The following ARHGAP15 variants were observed in gnomAD, a reference collection of about 807,000 sequenced individuals.
ARHGAP15 encodes the protein rho GTPase-activating protein 15.
In ARHGAP15, 51 loss-of-function variants were observed where a neutral mutation model predicts 63.7. The ratio of observed to expected loss-of-function variants is 0.80; its 90% CI spans 0.64 to 1.01. The LOEUF is 1.01. ARHGAP15 is among the 50% of genes least tolerant of loss of function. The pLI is 0.00. For synonymous variants in ARHGAP15, 191 were observed against 193.8 expected, an observed-to-expected ratio of 0.99 and a Z score of 0.12; for missense variants, 560 against 564.6, an observed-to-expected ratio of 0.99 and a Z score of 0.08.
At chr2:143,701,850 G>A (rs1239884880) in intron 12 of ARHGAP15, among the ~76,000 whole-genome samples, 3 of 152,184 alleles carry the variant, frequency 2.0e-5, no homozygotes, top group Non-Finnish European at 4.4e-5. Flanking sequence ...CCCCAGATTA[G>A]CTCATAGTAC....
chr2:143,246,902 A>G (rs1694063197), intron 5 of ARHGAP15, among the ~76,000 whole-genome samples: 1 of 152,216 alleles, frequency 6.6e-6, no homozygotes, highest in African/African-American at 2.4e-5. Context: ...AAGGAGTGCA[A>G]GAGACGGGCA....
At chr2:143,570,065 T>C (rs1696388967) in intron 11 of ARHGAP15, among the ~76,000 whole-genome samples, 3 of 152,190 alleles carry the variant, frequency 2.0e-5, no homozygotes, top group Admixed American at 2.0e-4. Context: ...TCTTTTAAGA[T>C]GAGTCAATCC....
At chr2:143,603,297 C>A (rs117293527) in intron 11 of ARHGAP15, among the ~76,000 whole-genome samples, 1,785 of 152,212 alleles carry the variant, frequency 0.012, 40 homozygotes, top group East Asian at 0.097. Context: ...CAGGAAAAAT[C>A]CTTTTTTCTT....
intron 12 of ARHGAP15, among the ~76,000 whole-genome samples, chr2:143,676,878 A>AAAAC (rs139056101): frequency 2.0e-5 from 3 of 152,176 alleles, no homozygotes; most frequent in African/African-American, 4.8e-5. Context: ...TTCAATTTGA[A>AAAAC]AAACAAACAA....
chr2:143,671,641 A>G (rs1682532142), intron 12 of ARHGAP15, among the ~76,000 whole-genome samples: 1 of 152,186 alleles, frequency 6.6e-6, no homozygotes, highest in South Asian at 2.1e-4. Context: ...TAGTTGGGTC[A>G]TTATTATTGA....
chr2:143,745,202 G>GTTTTTGAAA (rs1686116190), intron 13 of ARHGAP15, among the ~76,000 whole-genome samples: 1 of 152,160 alleles, frequency 6.6e-6, no homozygotes, highest in Non-Finnish European at 1.5e-5. Context: ...GATGTATCTG[G>GTTTTTGAAA]TTACCTTTTG....
chr2:143,749,900 T>C (rs1181732257), intron 13 of ARHGAP15, among the ~76,000 whole-genome samples: 1 of 152,176 alleles, frequency 6.6e-6, no homozygotes, highest in African/African-American at 2.4e-5. Flanking sequence ...ATTAGCACTG[T>C]GTAACCTTTG....
chr2:143,307,662 C>A (rs1243060676), intron 6 of ARHGAP15, among the ~76,000 whole-genome samples: 1 of 152,038 alleles, frequency 6.6e-6, no homozygotes, highest in Non-Finnish European at 1.5e-5. Context: ...AGAAACTTTG[C>A]CCCTCATTCA....
At chr2:143,262,265 T>C (rs1409170179) in intron 6 of ARHGAP15, among the ~76,000 whole-genome samples, 2 of 152,184 alleles carry the variant, frequency 1.3e-5, no homozygotes, top group Non-Finnish European at 2.9e-5. Flanking sequence ...ACTTATCTCA[T>C]GTTAAATCTA....
chr2:143,515,698 A>T (rs937184111), intron 9 of ARHGAP15, among the ~76,000 whole-genome samples: 1 of 152,220 alleles, frequency 6.6e-6, no homozygotes, highest in African/African-American at 2.4e-5. Flanking sequence ...AAAAATCAAT[A>T]GAGATGATTT....
intron 6 of ARHGAP15, among the ~76,000 whole-genome samples, chr2:143,372,527 G>A (rs543941935): frequency 1.4e-4 from 22 of 152,088 alleles, no homozygotes; most frequent in African/African-American, 4.8e-4. Flanking sequence ...ATTAATGAAT[G>A]GGTATTCATA....
At chr2:143,224,336 CAT>C (rs1693118466) in intron 4 of ARHGAP15, among the ~76,000 whole-genome samples, 1 of 152,006 alleles carries the variant, frequency 6.6e-6, no homozygotes, top group South Asian at 2.1e-4. Context: ...GAACAGCAAA[CAT>C]AAAGCAGAAA....
chr2:143,676,514 T>G (rs967881654), intron 12 of ARHGAP15: 1 of 152,156 alleles, frequency 6.6e-6, no homozygotes, highest in African/African-American at 2.4e-5. Flanking sequence ...TTGAACCACT[T>G]AGAGGTCATT....
In ARHGAP15 at chr2:143,532,781, A is replaced by T. The variant is rs1490180742; in HGVS notation, c.925+13417A>T. ...ATGGTAACTTTTAATATTTAAAAAG[A>T]TATTGTGTAGATATACCAAAGGATC... On this transcript the variant is annotated intron_variant, in intron 10 of 13. Coordinates refer to ENST00000295095, the MANE Select transcript of ARHGAP15 (RefSeq NM_018460.4). Among the ~76,000 whole-genome samples the T allele has an allele frequency of 2.0e-5, 3 of 152,226 alleles. No homozygotes were observed. The East Asian group carries it at 5.8e-4, about 29-fold the overall frequency.
chr2:143,248,387 G>T lies in ARHGAP15; in HGVS notation c.385-2124G>T, dbSNP rs531715194. On this transcript the variant is annotated intron_variant, in intron 5 of 13. Coordinates refer to ENST00000295095, the MANE Select transcript of ARHGAP15 (RefSeq NM_018460.4). ...ACAAGATGAATATGTCTATTCTGGA[G>T]TCTAGTGAGAAAGCCATAGCTTTTC... Among the ~76,000 whole-genome samples the T allele has an allele frequency of 2.0e-5, 3 of 152,280 alleles. No homozygotes were observed. In the East Asian group the frequency reaches 5.8e-4, roughly 29 times the overall value.
intron 6 of ARHGAP15, among the ~76,000 whole-genome samples, chr2:143,389,947 T>TTC (rs1170021501): frequency 2.6e-5 from 4 of 151,960 alleles, no homozygotes; most frequent in Non-Finnish European, 5.9e-5. Flanking sequence ...CAAAAAGCTT[T>TTC]TCATGGTATT....
intron 10 of ARHGAP15, among the ~76,000 whole-genome samples, chr2:143,521,018 G>T (rs1266846152): frequency 6.6e-6 from 1 of 152,152 alleles, no homozygotes. Context: ...ATGGCATTTT[G>T]TTGGTGATTT....
chr2:143,604,029 A>G (rs1211486451), intron 11 of ARHGAP15, among the ~76,000 whole-genome samples: 1 of 152,218 alleles, frequency 6.6e-6, no homozygotes, highest in African/African-American at 2.4e-5. Flanking sequence ...CTGAATATCA[A>G]AAACCATTTC....
intron 9 of ARHGAP15, among the ~76,000 whole-genome samples, chr2:143,507,629 A>C (rs1410886040): frequency 1.3e-5 from 2 of 152,216 alleles, no homozygotes; most frequent in African/African-American, 2.4e-5. Flanking sequence ...TCCAAACTTA[A>C]AACATCAGTC....
Sources: gnomAD v4.1 joint callset for allele counts (sites outside exome capture counted in the v4.1 genomes callset) on GRCh38, gnomAD v4.1.1 for gene constraint, MANE v1.5 for transcripts, NCBI Gene and HGNC (gene_info 2026-07-23, HGNC 2026-07-21) for gene names.